Variants in OR1L4 observed in about 807,000 individuals in gnomAD.
The protein encoded by OR1L4 is olfactory receptor family 1 subfamily L member 4, also known as olfactory receptor 1L4.
OR1L4 carries 4 observed loss-of-function variants against 3.5 expected under a neutral mutation model. The ratio of observed to expected loss-of-function variants is 1.15; its 90% CI spans 0.57 to 2.63. The LOEUF (loss-of-function observed/expected upper bound fraction) is 2.63, where lower values mean the gene tolerates loss of function less well. OR1L4 is among the 30% of genes most tolerant of loss of function. The pLI is 0.02. For synonymous variants in OR1L4, 123 were observed against 149.1 expected (o/e 0.83, Z 1.27); for missense variants, 291 against 378.5 (o/e 0.77, Z 1.92).
In OR1L4 at chr9:122,724,692, A is replaced by T; in HGVS notation, c.703A>T (p.Lys235Ter). The T allele has an allele frequency of 6.2e-7, 1 of 1,614,102 alleles. No homozygotes were observed. Among genetic ancestry groups the T allele is most frequent in the Non-Finnish European group, 8.5e-7 (1 of 1,179,948 alleles). ...GCTCAGAATCCCCTCTGCAGCCGGG[A>T]AGTGGAAGGCCTTCTCTACCTGTGG... ...TVLRIPSAAG[K>*]WKAFSTCGSH... The change falls in exon 1 of 1, where the codon AAG (lysine) becomes TAG (stop). Residue 235 changes from lysine (K) to a stop codon, truncating the protein, a stop_gained. Transcript: ENST00000259466. LOFTEE classifies it high-confidence loss of function.
At position 122,724,763 on chromosome 9, in the gene OR1L4, T is replaced by C; in HGVS notation, c.774T>C (p.Tyr258=). The change falls in exon 1 of 1, where the codon TAT becomes TAC. Residue 258 remains tyrosine, a synonymous_variant. Transcript: ENST00000259466. Reference sequence around the variant, plus strand: ...TCCTGTTCTATGGGAGTGTCATCTATGTCTATTTTAGGCCTCTGTCCATGT... The same window carrying C: ...TCCTGTTCTATGGGAGTGTCATCTACGTCTATTTTAGGCCTCTGTCCATGT... ...VVVLFYGSVI[Y]VYFRPLSMYS... 1 of 1,614,170 alleles carries C rather than the reference T, an allele frequency of 6.2e-7. No homozygotes were observed. The highest frequency in any genetic ancestry group is 1.7e-5 in the Admixed American group (1 of 60,008).
In OR1L4 at chr9:122,724,852, CT is replaced by C; in HGVS notation, c.866del (p.Phe289SerfsTer5). On this transcript the variant is annotated frameshift_variant, in exon 1 of 1. Coordinates refer to ENST00000259466, the MANE Select transcript of OR1L4 (RefSeq NM_001005235.1). LOFTEE classifies it high-confidence loss of function. The part of the protein sequence containing the change: ...MYTVVTPMLN[P>X]FIYSLRNKDM... ...ACAGTAGTGACACCCATGCTGAACCCTTTCATCTACAGCCTGAGGAACAAAG... is the reference window on the plus strand; with the variant it reads ...ACAGTAGTGACACCCATGCTGAACCCTTCATCTACAGCCTGAGGAACAAAG... 6.2e-7 allele frequency: 1 copy of C among 1,613,854 alleles called. No homozygotes were observed. Among genetic ancestry groups the C allele is most frequent in the East Asian group, 2.2e-5 (1 of 44,870 alleles).
Position 122,724,024 on chromosome 9 carries a change from G to T in OR1L4, c.35G>T (p.Gly12Val). The change falls in exon 1 of 1, where the codon GGC (glycine) becomes GTC (valine). Residue 12 changes from glycine (G) to valine (V), a missense_variant. Transcript: ENST00000259466. ...ETKNYSSSTSGFILLGLSSNP... is the reference protein window; with the variant it reads ...ETKNYSSSTSVFILLGLSSNP... The stretch of plus-strand genomic sequence containing the variant: ...AAGAATTATAGCAGCAGCACCTCAG[G>T]CTTCATCCTCCTGGGCCTCTCTTCC... 1 of 1,614,016 alleles carries T rather than the reference G, an allele frequency of 6.2e-7. No individual in the cohort carries two copies. Among genetic ancestry groups the T allele is most frequent in the Non-Finnish European group, 8.5e-7 (1 of 1,180,000 alleles).
chr9:122,724,750 G>C lies in OR1L4; in HGVS notation c.761G>C (p.Gly254Ala). Residue 254 changes from glycine (G) to alanine (A), a missense_variant, in exon 1 of 1, where the codon GGG becomes GCG. Around this residue, in one of 3 missense-constraint regions of OR1L4, gnomAD observed 62 missense variants for 71.8 expected, o/e 0.86. Transcript: ENST00000259466. ...SHLTVVVLFY[G>A]SVIYVYFRPL... ...CTCACTGTAGTGGTCCTGTTCTATG[G>C]GAGTGTCATCTATGTCTATTTTAGG... 5 of 1,614,086 alleles carry C rather than the reference G, an allele frequency of 3.1e-6. No homozygotes were observed. The highest frequency in any genetic ancestry group is 1.6e-4 in the Middle Eastern group (1 of 6,062).
rs371924548 is a variant in OR1L4 at position 122,724,348 on chromosome 9, C to T, written c.359C>T (p.Ala120Val). ...NTDSYLLASM[A>V]IDRLVAICNP... is the part of the protein sequence containing the mutation. The stretch of plus-strand genomic sequence containing the variant: ...GACAGCTACCTGCTGGCCTCTATGG[C>T]CATCGACCGGCTGGTGGCCATCTGC... Residue 120 changes from alanine to valine, a missense_variant, in exon 1 of 1, where the codon GCC becomes GTC. By Grantham distance (64) the Ala-to-Val change is moderately conservative. Transcript: ENST00000259466. 192 of 1,614,074 alleles carry T rather than the reference C, an allele frequency of 1.2e-4. No homozygotes were observed. The highest frequency in any genetic ancestry group is 3.0e-4 in the Admixed American group (18 of 59,998).
Position 122,724,348 on chromosome 9 carries a change from C to A in OR1L4, c.359C>A (p.Ala120Asp), listed in dbSNP as rs371924548. The change falls in exon 1 of 1, where the codon GCC (alanine) becomes GAC (aspartate). Residue 120 changes from alanine (A) to aspartate (D), a missense_variant. Physicochemically the swap from Ala to Asp is moderately radical, Grantham distance 126. Coordinates refer to ENST00000259466, the MANE Select transcript of OR1L4 (RefSeq NM_001005235.1). ...NTDSYLLASM[A>D]IDRLVAICNP... ...GACAGCTACCTGCTGGCCTCTATGG[C>A]CATCGACCGGCTGGTGGCCATCTGC... 2 of 1,614,192 alleles carry A rather than the reference C, an allele frequency of 1.2e-6. No homozygotes were observed. Among genetic ancestry groups the A allele is most frequent in the Non-Finnish European group, 1.7e-6 (2 of 1,180,040 alleles).
rs140014211 is a variant in OR1L4 at position 122,724,658 on chromosome 9, C to G, written c.669C>G (p.Ile223Met). The part of the protein sequence containing the change: ...LCTIFSYLQI[I>M]VTVLRIPSAA... Reference sequence around the variant, plus strand: ...CCATCTTCTCCTACCTGCAAATCATCGTCACTGTGCTCAGAATCCCCTCTG... The same window carrying G: ...CCATCTTCTCCTACCTGCAAATCATGGTCACTGTGCTCAGAATCCCCTCTG... Residue 223 changes from isoleucine to methionine, a missense_variant, in exon 1 of 1, where the codon ATC becomes ATG. Transcript: ENST00000259466. 15 of 1,614,090 alleles carry G rather than the reference C, an allele frequency of 9.3e-6. No individual in the cohort carries two copies. Among genetic ancestry groups the G allele is most frequent in the African/African-American group, 6.7e-5 (5 of 74,934 alleles).
chr9:122,723,993 G>C lies in OR1L4; in HGVS notation c.4G>C (p.Glu2Gln), dbSNP rs765713748. M[E>Q]TKNYSSSTSG... is the part of the protein sequence containing the mutation. ...CCTATCCAGGAAGTCCAGAGACATG[G>C]AGACAAAGAATTATAGCAGCAGCAC... The change falls in exon 1 of 1, where the codon GAG becomes CAG. Residue 2 changes from glutamate to glutamine, a missense_variant. Physicochemically the swap from Glu to Gln is conservative, Grantham distance 29. Around this residue, in one of 3 missense-constraint regions of OR1L4, gnomAD observed 165 missense variants for 169.9 expected, o/e 0.97. Transcript: ENST00000259466. The C allele has an allele frequency of 1.2e-6, 2 of 1,613,720 alleles. No individual in the cohort carries two copies. The highest frequency in any genetic ancestry group is 1.1e-5 in the South Asian group (1 of 91,078).
rs1828627572 is a variant in OR1L4 at position 122,724,688 on chromosome 9, CG to C, written c.702del (p.Lys235SerfsTer14). 2.5e-6 allele frequency: 4 copies of C among 1,614,138 alleles called. No homozygotes were observed. In the East Asian group the frequency reaches 8.9e-5, roughly 36 times the overall value. ...VTVLRIPSAA[G>X]KWKAFSTCGS... ...CTGTGCTCAGAATCCCCTCTGCAGC[CG>C]GGAAGTGGAAGGCCTTCTCTACCTG... is the stretch of plus-strand genomic sequence containing the variant. On this transcript the variant is annotated frameshift_variant, in exon 1 of 1. Coordinates refer to ENST00000259466, the MANE Select transcript of OR1L4 (RefSeq NM_001005235.1). LOFTEE classifies it high-confidence loss of function.
In OR1L4 at chr9:122,724,158, C is replaced by A; in HGVS notation, c.169C>A (p.His57Asn). ...GGCCATCTACTCTGACCCCAGGCTCCACACCCCTATGTACTTTTTTCTCAG... is the reference window on the plus strand; with the variant it reads ...GGCCATCTACTCTGACCCCAGGCTCAACACCCCTATGTACTTTTTTCTCAG... ...ILAIYSDPRL[H>N]TPMYFFLSNL... is the part of the protein sequence containing the mutation. Residue 57 changes from histidine to asparagine, a missense_variant, in exon 1 of 1, where the codon CAC (histidine) becomes AAC (asparagine). His to Asn is a moderately conservative substitution (Grantham distance 68). This residue lies in a region of OR1L4 where 165 missense variants were observed against 169.9 expected (regional missense o/e 0.97). Coordinates refer to ENST00000259466, the MANE Select transcript of OR1L4 (RefSeq NM_001005235.1). 1 of 1,614,158 alleles carries A rather than the reference C, an allele frequency of 6.2e-7. No individual in the cohort carries two copies. Among genetic ancestry groups the A allele is most frequent in the Non-Finnish European group, 8.5e-7 (1 of 1,180,028 alleles).
chr9:122,724,790 C>T lies in OR1L4; in HGVS notation c.801C>T (p.Tyr267=), dbSNP rs1225055263. The change falls in exon 1 of 1, where the codon TAC becomes TAT. Residue 267 remains tyrosine, a synonymous_variant. Transcript: ENST00000259466. ...TCTATTTTAGGCCTCTGTCCATGTA[C>T]TCAGTGATGAAGGGCCGGGTAGCCA... ...IYVYFRPLSM[Y]SVMKGRVATV... is the part of the protein sequence containing the mutation. 6.2e-7 allele frequency: 1 copy of T among 1,613,994 alleles called. No homozygotes were observed. Among genetic ancestry groups the T allele is most frequent in the Non-Finnish European group, 8.5e-7 (1 of 1,180,024 alleles).
At position 122,724,695 on chromosome 9, in the gene OR1L4, T is replaced by C; in HGVS notation, c.706T>C (p.Trp236Arg). Residue 236 changes from tryptophan (W) to arginine (R), a missense_variant, in exon 1 of 1, where the codon TGG becomes CGG. Trp to Arg is a moderately radical substitution (Grantham distance 101). Transcript: ENST00000259466. ...VLRIPSAAGKWKAFSTCGSHL... is the reference protein window; with the variant it reads ...VLRIPSAAGKRKAFSTCGSHL... Reference sequence around the variant, plus strand: ...CAGAATCCCCTCTGCAGCCGGGAAGTGGAAGGCCTTCTCTACCTGTGGCTC... The same window carrying C: ...CAGAATCCCCTCTGCAGCCGGGAAGCGGAAGGCCTTCTCTACCTGTGGCTC... 6.2e-7 allele frequency: 1 copy of C among 1,614,120 alleles called. No individual in the cohort carries two copies. Among genetic ancestry groups the C allele is most frequent in the Non-Finnish European group, 8.5e-7 (1 of 1,179,950 alleles).
rs777241020 is a variant in OR1L4 at position 122,724,747 on chromosome 9, A to T, written c.758A>T (p.Tyr253Phe). 7 of 1,614,066 alleles carry T rather than the reference A, an allele frequency of 4.3e-6. No individual in the cohort carries two copies. Among genetic ancestry groups the T allele is most frequent in the Non-Finnish European group, 5.1e-6 (6 of 1,179,994 alleles). ...GSHLTVVVLF[Y>F]GSVIYVYFRP... is the part of the protein sequence containing the mutation. ...CACCTCACTGTAGTGGTCCTGTTCT[A>T]TGGGAGTGTCATCTATGTCTATTTT... The change falls in exon 1 of 1, where the codon TAT (tyrosine) becomes TTT (phenylalanine). Residue 253 changes from tyrosine to phenylalanine, a missense_variant. Tyr to Phe is a conservative substitution (Grantham distance 22). This residue lies in a region of OR1L4 where 62 missense variants were observed against 71.8 expected (regional missense o/e 0.86). Transcript: ENST00000259466.
In OR1L4 at chr9:122,724,806, C is replaced by T. The variant is rs201060124; in HGVS notation, c.817C>T (p.Arg273Trp). 5.9e-5 allele frequency: 96 copies of T among 1,613,980 alleles called. No individual in the cohort carries two copies. Among genetic ancestry groups the T allele is most frequent in the Admixed American group, 2.7e-4 (16 of 59,990 alleles). ...PLSMYSVMKG[R>W]VATVMYTVVT... ...GTCCATGTACTCAGTGATGAAGGGC[C>T]GGGTAGCCACAGTTATGTACACAGT... The change falls in exon 1 of 1, where the codon CGG (arginine) becomes TGG (tryptophan). Residue 273 changes from arginine to tryptophan, a missense_variant. This residue lies in a region of OR1L4 where 62 missense variants were observed against 71.8 expected (regional missense o/e 0.86). Coordinates refer to ENST00000259466, the MANE Select transcript of OR1L4 (RefSeq NM_001005235.1).
In OR1L4 at chr9:122,724,131, C is replaced by G. The variant is rs1369102223; in HGVS notation, c.142C>G (p.Leu48Val). The G allele has an allele frequency of 9.3e-6, 15 of 1,614,022 alleles. No homozygotes were observed. Among genetic ancestry groups the G allele is most frequent in the Non-Finnish European group, 1.3e-5 (15 of 1,180,036 alleles). ...LTAVGNVLII[L>V]AIYSDPRLHT... ...TGCGGTGGGGAATGTGCTCATCATC[C>G]TGGCCATCTACTCTGACCCCAGGCT... The change falls in exon 1 of 1, where the codon CTG becomes GTG. Residue 48 changes from leucine (L) to valine (V), a missense_variant. Transcript: ENST00000259466.
exon 1 of OR1L4, chr9:122,724,923 TAGAA>T (rs1828631164): frequency 5.7e-6 from 9 of 1,588,740 alleles, no homozygotes; most frequent in African/African-American, 1.4e-5. Flanking sequence ...AATTTACTCA[TAGAA>T]AGAACAAAAT....
rs1268212714 is a variant in OR1L4, at chr9:122,724,094, G to A, written c.105G>A (p.Met35Ile). Residue 35 changes from methionine (M) to isoleucine (I), a missense_variant, in exon 1 of 1, where the codon ATG becomes ATA. Transcript: ENST00000259466. ...CTCTCTTTGCCATCTTCCTCATCAT[G>A]TACCTACTCACTGCGGTGGGGAATG... ...QKPLFAIFLI[M>I]YLLTAVGNVL... 3 of 1,613,950 alleles carry A rather than the reference G, an allele frequency of 1.9e-6. No individual in the cohort carries two copies. Among genetic ancestry groups the A allele is most frequent in the African/African-American group, 1.3e-5 (1 of 74,882 alleles).
chr9:122,724,069 C>T lies in OR1L4; in HGVS notation c.80C>T (p.Pro27Leu), dbSNP rs375792008. The T allele has an allele frequency of 1.4e-4, 225 of 1,614,044 alleles. No homozygotes were observed. The highest frequency in any genetic ancestry group is 1.8e-4 in the Non-Finnish European group (217 of 1,180,032). The change falls in exon 1 of 1, where the codon CCT becomes CTT. Residue 27 changes from proline (P) to leucine (L), a missense_variant. By Grantham distance (98) the Pro-to-Leu change is moderately conservative. Transcript: ENST00000259466. Reference sequence around the variant, plus strand: ...TCTTCCAACCCTAAGCTGCAGAAACCTCTCTTTGCCATCTTCCTCATCATG... The same window carrying T: ...TCTTCCAACCCTAAGCTGCAGAAACTTCTCTTTGCCATCTTCCTCATCATG... ...GLSSNPKLQKPLFAIFLIMYL... is the reference protein window; with the variant it reads ...GLSSNPKLQKLLFAIFLIMYL...
In OR1L4 at chr9:122,724,217, A is replaced by G. The variant is rs944643775; in HGVS notation, c.228A>G (p.Thr76=). Residue 76 remains threonine, a synonymous_variant, in exon 1 of 1, where the codon ACA becomes ACG. Coordinates refer to ENST00000259466, the MANE Select transcript of OR1L4 (RefSeq NM_001005235.1). The part of the protein sequence containing the change: ...NLSFMDICFT[T]VIVPKMLVNF... ...CTTTCATGGATATCTGCTTCACAACAGTCATAGTGCCTAAGATGCTGGTGA... is the reference window on the plus strand; with the variant it reads ...CTTTCATGGATATCTGCTTCACAACGGTCATAGTGCCTAAGATGCTGGTGA... 6.2e-7 allele frequency: 1 copy of G among 1,614,154 alleles called. No homozygotes were observed. The highest frequency in any genetic ancestry group is 1.1e-5 in the South Asian group (1 of 91,076).
Sources: allele counts gnomAD v4.1 joint callset, GRCh38; gene constraint gnomAD v4.1.1; regional missense constraint gnomAD v4.1.1; transcripts MANE v1.5; gene names NCBI Gene and HGNC (gene_info 2026-07-23, HGNC 2026-07-21).